Variants in SGCD observed in about 807,000 individuals in gnomAD.
SGCD encodes delta-sarcoglycan.
SGCD carries 18 observed loss-of-function variants against 36.6 expected under a neutral mutation model. The observed-to-expected ratio is 0.49, with a 90% CI of 0.34 to 0.73. SGCD has a LOEUF of 0.73. Ranked by LOEUF, SGCD falls within the 30% of genes least tolerant of loss-of-function variation. The probability of loss-of-function intolerance (pLI) is 0.01; values close to 1 mark genes in which losing one functional copy is unlikely to be tolerated. For missense variants in SGCD, 387 were observed against 346.7 expected, an observed-to-expected ratio of 1.12 and a Z score of -0.92; for synonymous variants, 133 against 130.6, an observed-to-expected ratio of 1.02 and a Z score of -0.12.
intron 4 of SGCD, among the ~76,000 whole-genome samples, chr5:156,582,934 A>G (rs2113344473): frequency 6.6e-6 from 1 of 152,286 alleles, no homozygotes; most frequent in Non-Finnish European, 1.5e-5. Context: ...ATTTGCCTTG[A>G]GATATTACCT....
chr5:156,643,938 C>A (rs887692494), intron 6 of SGCD, among the ~76,000 whole-genome samples: 1 of 151,970 alleles, frequency 6.6e-6, no homozygotes, highest in Admixed American at 6.6e-5. Context: ...ACATTTTGCC[C>A]CAAGGTTTAA....
chr5:156,452,247 A>G (rs1304600077), intron 3 of SGCD, among the ~76,000 whole-genome samples: 16 of 152,158 alleles, frequency 1.1e-4, no homozygotes. Context: ...TCCTCATTGC[A>G]GAGAGCTCAT....
At chr5:156,445,796 TCACACA>T (rs143094759) in intron 3 of SGCD, among the ~76,000 whole-genome samples, 1 of 151,262 alleles carries the variant, frequency 6.6e-6, no homozygotes, top group East Asian at 1.9e-4. Context: ...CCCCAAAATA[TCACACA>T]CACACACACG....
intron 3 of SGCD, among the ~76,000 whole-genome samples, chr5:156,184,103 A>G (rs1763674831): frequency 6.6e-6 from 1 of 152,234 alleles, no homozygotes; most frequent in Admixed American, 6.5e-5. Flanking sequence ...ATGGGCCAAA[A>G]TCATCTAACG....
intron 3 of SGCD, among the ~76,000 whole-genome samples, chr5:156,452,846 C>T (rs1049359932): frequency 6.6e-6 from 1 of 152,086 alleles, no homozygotes; most frequent in Non-Finnish European, 1.5e-5. Flanking sequence ...TTTGTGCTAT[C>T]TCCCAAATAG....
the SGCD span, among the ~76,000 whole-genome samples, chr5:155,775,138 G>A: frequency 6.6e-6 from 1 of 152,120 alleles, no homozygotes; most frequent in Non-Finnish European, 1.5e-5. Flanking sequence ...GCCTTAGCAA[G>A]TTTAAAGAAA....
intron 6 of SGCD, among the ~76,000 whole-genome samples, chr5:156,644,351 T>C (rs1394528833): frequency 6.6e-6 from 1 of 152,152 alleles, no homozygotes; most frequent in Non-Finnish European, 1.5e-5. Context: ...TTTAGGTAAT[T>C]AGTCATTTTT....
the SGCD span, among the ~76,000 whole-genome samples, chr5:155,742,047 G>C: frequency 6.6e-6 from 1 of 152,138 alleles, no homozygotes; most frequent in Non-Finnish European, 1.5e-5. Context: ...GCTCCATTCA[G>C]TTGGTTAGGG....
chr5:156,640,757 T>G (rs1257749674), intron 6 of SGCD, among the ~76,000 whole-genome samples: 1 of 152,220 alleles, frequency 6.6e-6, no homozygotes, highest in Non-Finnish European at 1.5e-5. Context: ...CTGTACTTTT[T>G]GGATAAGAAG....
the SGCD span, among the ~76,000 whole-genome samples, chr5:155,774,045 C>T: frequency 2.0e-5 from 3 of 152,192 alleles, no homozygotes; most frequent in East Asian, 5.8e-4. Context: ...ATAATTATGC[C>T]TCCCCTCTCA....
chr5:156,483,480 T>C (rs1484069304), intron 3 of SGCD, among the ~76,000 whole-genome samples: 2 of 152,252 alleles, frequency 1.3e-5, no homozygotes, highest in Non-Finnish European at 2.9e-5. Flanking sequence ...CAATGCTTAC[T>C]GACTTCTGCT....
At chr5:155,905,904 T>C (rs1160844485) in intron 1 of SGCD, among the ~76,000 whole-genome samples, 1 of 152,106 alleles carries the variant, frequency 6.6e-6, no homozygotes, top group African/African-American at 2.4e-5. Flanking sequence ...CTTTTTCTTC[T>C]CAGTTTTGGG....
rs114066355 is a variant in SGCD, at chr5:156,557,769, A to G, written c.295-31462A>G. Among the ~76,000 whole-genome samples, 946 of 152,130 alleles carry G rather than the reference A, an allele frequency of 6.2e-3. 4 individuals are homozygous for G. Among genetic ancestry groups the G allele is most frequent in the Non-Finnish European group, 8.0e-3 (543 of 67,976 alleles). ...CGTGATATATCCCCTCTGCCTCCTC[A>G]TCAAGCTGTACATAGTATTTTCCTG... On this transcript the variant is annotated intron_variant, in intron 4 of 8. Transcript: ENST00000337851.
At chr5:156,164,160 A>G (rs1023180217) in intron 3 of SGCD, among the ~76,000 whole-genome samples, 2 of 151,486 alleles carry the variant, frequency 1.3e-5, no homozygotes, top group African/African-American at 4.9e-5. Context: ...TGCAGCTTTT[A>G]GAGCTGAGAA....
chr5:156,390,730 CA>C (rs1771518209), intron 3 of SGCD, among the ~76,000 whole-genome samples: 1 of 150,388 alleles, frequency 6.6e-6, no homozygotes. Flanking sequence ...AACTCTATCT[CA>C]GGGAAAAAAA....
At chr5:155,793,655 C>T in the SGCD span, among the ~76,000 whole-genome samples, 16 of 151,676 alleles carry the variant, frequency 1.1e-4, no homozygotes, top group Non-Finnish European at 2.2e-4. Flanking sequence ...AATTCTCCTA[C>T]CTCAGCCTCC....
chr5:155,873,280 A>AT, intron 1 of SGCD, among the ~76,000 whole-genome samples: 1 of 152,262 alleles, frequency 6.6e-6, no homozygotes, highest in East Asian at 1.9e-4. Context: ...TAAAGTATAC[A>AT]TTTTTTAAAA....
chr5:156,692,684 GC>G (rs1754164361), intron 7 of SGCD, among the ~76,000 whole-genome samples: 1 of 152,130 alleles, frequency 6.6e-6, no homozygotes, highest in Non-Finnish European at 1.5e-5. Flanking sequence ...TGCCTAACGT[GC>G]CTTGGTTGTT....
the SGCD span, among the ~76,000 whole-genome samples, chr5:155,732,648 CACTTACATCT>C: frequency 6.6e-6 from 1 of 152,182 alleles, no homozygotes; most frequent in African/African-American, 2.4e-5. Context: ...TCATCAAGGT[CACTTACATCT>C]TAGTCAAAAC....
Sources: allele counts gnomAD v4.1 joint callset (sites outside exome capture counted in the v4.1 genomes callset), GRCh38; gene constraint gnomAD v4.1.1; transcripts MANE v1.5; gene names NCBI Gene and HGNC (gene_info 2026-07-23, HGNC 2026-07-21).